The following TRABD2B variants were observed in gnomAD, a reference collection of about 807,000 sequenced individuals.
TRABD2B encodes the protein metalloprotease TIKI2.
A neutral mutation model predicts 40.1 loss-of-function variants in TRABD2B; 14 were observed. That is an observed-to-expected ratio of 0.35 (90% CI 0.23 to 0.55). The LOEUF is 0.55. Ranked by LOEUF, TRABD2B falls within the 20% of genes least tolerant of loss-of-function variation. The pLI is 0.90. For missense variants in TRABD2B, 541 were observed against 648.6 expected (o/e 0.83, Z 1.80); for synonymous variants, 263 against 277.0 (o/e 0.95, Z 0.50).
chr1:47,854,655 G>A (rs1192415546), intron 2 of TRABD2B, among the ~76,000 whole-genome samples: 1 of 152,142 alleles, frequency 6.6e-6, no homozygotes, highest in Non-Finnish European at 1.5e-5. Context: ...AAGTGACCTC[G>A]CAATTTGCAT....
intron 2 of TRABD2B, among the ~76,000 whole-genome samples, chr1:47,832,196 G>A (rs1464520644): frequency 6.6e-6 from 1 of 152,164 alleles, no homozygotes; most frequent in African/African-American, 2.4e-5. Flanking sequence ...GGCCAGGCAT[G>A]GTGGCGGGTG....
chr1:47,949,183 T>C (rs1348616180), intron 2 of TRABD2B, among the ~76,000 whole-genome samples: 1 of 152,150 alleles, frequency 6.6e-6, no homozygotes, highest in Non-Finnish European at 1.5e-5. Context: ...GACACTATTC[T>C]AAGCACTTTT....
intron 2 of TRABD2B, among the ~76,000 whole-genome samples, chr1:47,806,067 C>T (rs889284677): frequency 3.3e-5 from 5 of 152,208 alleles, no homozygotes; most frequent in Non-Finnish European, 5.9e-5. Context: ...AAAGACAGGG[C>T]TGGGGTTTGA....
chr1:47,839,592 G>A (rs1645367451), intron 2 of TRABD2B, among the ~76,000 whole-genome samples: 1 of 152,176 alleles, frequency 6.6e-6, no homozygotes, highest in Non-Finnish European at 1.5e-5. Context: ...TTTATGAAAT[G>A]CAAACTACAC....
chr1:47,831,233 CG>C (rs1450589579), intron 2 of TRABD2B, among the ~76,000 whole-genome samples: 2 of 152,026 alleles, frequency 1.3e-5, no homozygotes, highest in African/African-American at 4.8e-5. Flanking sequence ...GTAAGAAAGC[CG>C]GCTGTAGCCC....
chr1:47,850,482 T>C lies in TRABD2B; in HGVS notation c.667-48863A>G, dbSNP rs1645532932. The stretch of plus-strand genomic sequence containing the variant: ...GGTCTAAGAATCTAGATTCATGCAT[T>C]CAATGAACATTCATAGGTGCTCTCC... On this transcript the variant is annotated intron_variant, in intron 2 of 6. Transcript: ENST00000606738. Among the ~76,000 whole-genome samples, 3 of 152,338 alleles carry C rather than the reference T, an allele frequency of 2.0e-5. No individual in the cohort carries two copies. In the South Asian group the frequency reaches 6.2e-4, roughly 32 times the overall value.
intron 2 of TRABD2B, among the ~76,000 whole-genome samples, chr1:47,918,634 C>T (rs1341325969): frequency 1.3e-5 from 2 of 152,188 alleles, no homozygotes; most frequent in East Asian, 1.9e-4. Flanking sequence ...GAGGAGACCA[C>T]GTGGAACTGT....
intron 2 of TRABD2B, among the ~76,000 whole-genome samples, chr1:47,866,903 A>C (rs528950866): frequency 1.3e-5 from 2 of 152,324 alleles, no homozygotes; most frequent in African/African-American, 4.8e-5. Context: ...TCAAAGGCCC[A>C]GATTTGATTG....
intron 3 of TRABD2B, among the ~76,000 whole-genome samples, chr1:47,799,024 C>G (rs1322633247): frequency 6.6e-6 from 1 of 151,870 alleles, no homozygotes; most frequent in Admixed American, 6.5e-5. Flanking sequence ...CACCTACCTT[C>G]TGTCCCACTT....
At chr1:47,833,588 G>A (rs1450441435) in intron 2 of TRABD2B, among the ~76,000 whole-genome samples, 3 of 152,206 alleles carry the variant, frequency 2.0e-5, no homozygotes, top group Non-Finnish European at 1.5e-5. Context: ...GAGTCTCACT[G>A]CCTCTAGTAA....
At chr1:47,921,603 G>A (rs1466227976) in intron 2 of TRABD2B, among the ~76,000 whole-genome samples, 2 of 152,146 alleles carry the variant, frequency 1.3e-5, no homozygotes, top group Non-Finnish European at 2.9e-5. Flanking sequence ...TTTGTTGTAT[G>A]TTGCAAAAAT....
Position 47,778,410 on chromosome 1 carries a change from A to C in TRABD2B, c.1079+44T>G, listed in dbSNP as rs971292472. 3 of 1,399,656 alleles carry C rather than the reference A, an allele frequency of 2.1e-6. No individual in the cohort carries two copies. The African/African-American group carries it at 4.3e-5, about 20-fold the overall frequency. The allele number at this position is 1,399,656 out of a possible 1,614,324, so 86.7% of individuals were successfully genotyped here. On this transcript the variant is annotated intron_variant, in intron 5 of 6. Coordinates refer to ENST00000606738, the MANE Select transcript of TRABD2B (RefSeq NM_001194986.2). ...AGCTCTCCTGAAAGCCTGGGCAGGA[A>C]GGCAGGGTCAGTGAGGGCCAAGGCA...
rs113556236 is a variant in TRABD2B at position 47,883,648 on chromosome 1, A to C, written c.667-82029T>G. ...TGGTTAGCCAGACCCAGAATAAATA[A>C]ATGCCCCAGTGCATATGTACTGTCT... On this transcript the variant is annotated intron_variant, in intron 2 of 6. Transcript: ENST00000606738. Among the ~76,000 whole-genome samples the C allele has an allele frequency of 6.6e-5, 10 of 152,304 alleles. 2 individuals carry two copies. The highest frequency in any genetic ancestry group is 2.4e-4 in the African/African-American group (10 of 41,564).
chr1:47,837,264 A>G (rs1645331777), intron 2 of TRABD2B, among the ~76,000 whole-genome samples: 1 of 152,172 alleles, frequency 6.6e-6, no homozygotes, highest in Non-Finnish European at 1.5e-5. Flanking sequence ...AGGAAATGTC[A>G]TAACCTCAGC....
chr1:47,938,255 C>T (rs1222624186), intron 2 of TRABD2B, among the ~76,000 whole-genome samples: 2 of 152,112 alleles, frequency 1.3e-5, no homozygotes, highest in Non-Finnish European at 2.9e-5. Context: ...ACAGAGAGGC[C>T]ACAGAAGGTG....
At chr1:47,783,872 A>G (rs1418956839) in intron 4 of TRABD2B, among the ~76,000 whole-genome samples, 1 of 152,194 alleles carries the variant, frequency 6.6e-6, no homozygotes, top group Non-Finnish European at 1.5e-5. Flanking sequence ...TCCTAGGGTT[A>G]GGACTGTTAG....
chr1:47,952,844 G>A (rs1278036926), intron 2 of TRABD2B, among the ~76,000 whole-genome samples: 2 of 152,162 alleles, frequency 1.3e-5, no homozygotes, highest in African/African-American at 4.8e-5. Flanking sequence ...GTCTCCTGGA[G>A]GACACCGAGG....
At chr1:47,836,047 G>A (rs748893177) in intron 2 of TRABD2B, among the ~76,000 whole-genome samples, 1 of 152,216 alleles carries the variant, frequency 6.6e-6, no homozygotes, top group South Asian at 2.1e-4. Context: ...GGAGGAAAAG[G>A]AGCTACACAG....
At chr1:47,874,252 A>ATTTTTTTTTTTTTT (rs61411862) in intron 2 of TRABD2B, among the ~76,000 whole-genome samples, 4 of 90,520 alleles carry the variant, frequency 4.4e-5, no homozygotes, top group East Asian at 3.7e-4. Flanking sequence ...TGATTAATTA[A>ATTTTTTTTTTTTTT]TTTTTTTTTT....
Sources: allele counts gnomAD v4.1 joint callset (sites outside exome capture counted in the v4.1 genomes callset), GRCh38; gene constraint gnomAD v4.1.1; transcripts MANE v1.5; gene names NCBI Gene and HGNC (gene_info 2026-07-23, HGNC 2026-07-21).